Variants in OTOG observed in about 807,000 individuals in gnomAD.
The protein encoded by OTOG is otogelin.
Under a neutral mutation model 313.8 loss-of-function variants are expected in OTOG, and 296 were observed. The observed-to-expected ratio is 0.94, with a 90% confidence interval of 0.86 to 1.04. The LOEUF (loss-of-function observed/expected upper bound fraction) is 1.04. OTOG is among the 50% of genes least tolerant of loss of function. The pLI, the probability that OTOG is intolerant of heterozygous loss-of-function variation, is 0.00. For missense variants in OTOG, 3,948 were observed against 3,840.1 expected (o/e 1.03, Z -0.74); for synonymous variants, 1,533 against 1,554.9 (o/e 0.99, Z 0.33).
At position 17,609,903 on chromosome 11, in the gene OTOG, G is replaced by A. The variant is rs1379648118; in HGVS notation, c.4603G>A (p.Glu1535Lys). 15 of 1,520,482 alleles carry A rather than the reference G, an allele frequency of 9.9e-6. No homozygotes were observed. In the African/African-American group the frequency reaches 1.9e-4, roughly 20 times the overall value. The allele number at this position is 1,520,482 out of a possible 1,614,324, so 94.2% of individuals were successfully genotyped here. A position where few individuals can be genotyped will look rare whatever the true frequency, so the allele number is the denominator to read the frequency against. The change falls in exon 36 of 56, where the codon GAG becomes AAG. Residue 1535 changes from glutamate (E) to lysine (K), a missense_variant. By Grantham distance (56) the Glu-to-Lys change is moderately conservative. Coordinates refer to ENST00000399397, the MANE Select transcript of OTOG (RefSeq NM_001292063.2). ...CCAGACCACCCTGCAGCAGCCACTG[G>A]AGCTCACTGCATCTCAACTCCCCGC... Reference protein sequence around the residue: ...PTQTTLQQPLELTASQLPAGP... With the variant: ...PTQTTLQQPLKLTASQLPAGP...
intron 23 of OTOG, among the ~76,000 whole-genome samples, chr11:17,580,665 T>C (rs1231191993): frequency 6.6e-6 from 1 of 152,174 alleles, no homozygotes; most frequent in Non-Finnish European, 1.5e-5. Context: ...GGCTTGGGGC[T>C]GAAGAAGGAA....
intron 16 of OTOG, 78 bp from the exon 17 acceptor site, chr11:17,570,135 G>C: frequency 5.3e-6 from 7 of 1,328,670 alleles, no homozygotes; most frequent in Non-Finnish European, 6.2e-6. Flanking sequence ...GAGTCTGAGC[G>C]GGCCAGGCAG....
Position 17,547,260 on chromosome 11 carries a change from T to G in OTOG, c.-113T>G. The G allele has an allele frequency of 2.3e-6, 2 of 860,158 alleles. No individual in the cohort carries two copies. Among genetic ancestry groups the G allele is most frequent in the Non-Finnish European group, 3.1e-6 (2 of 645,000 alleles). The allele number at this position is 860,158 out of a possible 1,614,324, so 53.3% of individuals were successfully genotyped here. ...GAGGGGCTGAGGGAGCCCTGGGGCA[T>G]GAGAACAAGAGGGACCTCGGCTGCG... On this transcript the variant is annotated 5_prime_UTR_variant, in exon 1 of 56. The change abolishes an upstream ATG in the 5' untranslated region. Transcript: ENST00000399397.
In OTOG at chr11:17,548,980, A is replaced by G. The variant is rs149812275; in HGVS notation, c.216+768A>G. Among the ~76,000 whole-genome samples, 54 of 152,100 alleles carry G rather than the reference A, an allele frequency of 3.6e-4. 1 individual carries two copies. The East Asian group carries it at 9.5e-3, about 27-fold the overall frequency. ...GTGATCCTTCTGTGTCAGCCTCCCA[A>G]AGTGCTGGGATTAGGCATGAGCCAC... On this transcript the variant is annotated intron_variant, in intron 3 of 55. Coordinates refer to ENST00000399397, the MANE Select transcript of OTOG (RefSeq NM_001292063.2).
intron 6 of OTOG, among the ~76,000 whole-genome samples, chr11:17,554,635 C>T (rs1852014781): frequency 6.6e-6 from 1 of 152,226 alleles, no homozygotes; most frequent in Non-Finnish European, 1.5e-5. Flanking sequence ...TGTGATCCTT[C>T]TGTCTCAGTC....
In OTOG at chr11:17,551,952, G is replaced by A. The variant is rs190696135; in HGVS notation, c.217-48G>A. ...CACCAGGAAGCCTGCCTGGGAACCC[G>A]TCCTGAGGTCAGCCCTCGATGTGTT... is the stretch of plus-strand genomic sequence containing the variant. On this transcript the variant is annotated intron_variant, in intron 3 of 55. Coordinates refer to ENST00000399397, the MANE Select transcript of OTOG (RefSeq NM_001292063.2). 325 of 1,522,242 alleles carry A rather than the reference G, an allele frequency of 2.1e-4. 2 individuals carry two copies. The Admixed American group carries it at 4.8e-3, about 22-fold the overall frequency. The allele number at this position is 1,522,242 out of a possible 1,614,324, so 94.3% of individuals were successfully genotyped here.
chr11:17,611,816 G>T lies in OTOG; in HGVS notation c.6124-346G>T, dbSNP rs574524589. On this transcript the variant is annotated intron_variant, in intron 36 of 55. Transcript: ENST00000399397. Reference sequence around the variant, plus strand: ...CATCTTTGTGCCTTTGTGAGAAACTGTGTGTGTGTGTGTGTGTGTTTGTGT... The same window carrying T: ...CATCTTTGTGCCTTTGTGAGAAACTTTGTGTGTGTGTGTGTGTGTTTGTGT... Among the ~76,000 whole-genome samples the T allele has an allele frequency of 1.7e-4, 9 of 52,936 alleles. No individual in the cohort carries two copies. The South Asian group carries it at 4.2e-3, about 24-fold the overall frequency. The allele number at this position is 52,936 out of a possible 152,430, so 34.7% of individuals were successfully genotyped here.
At position 17,642,130 on chromosome 11, in the gene OTOG, G is replaced by A. The variant is rs575977910; in HGVS notation, c.8299G>A (p.Gly2767Arg). 7.1e-6 allele frequency: 11 copies of A among 1,541,788 alleles called. No homozygotes were observed. Among genetic ancestry groups the A allele is most frequent in the Middle Eastern group, 1.7e-4 (1 of 5,956 alleles). The change falls in exon 53 of 56, where the codon GGG (glycine) becomes AGG (arginine). Residue 2767 changes from glycine (G) to arginine (R), a missense_variant. By Grantham distance (125) the Gly-to-Arg change is moderately radical. Coordinates refer to ENST00000399397, the MANE Select transcript of OTOG (RefSeq NM_001292063.2). ...PNGTTSLFLP[G>R]ASWIADCARH... ...TACCTACTTCTGTGCCCTCCAGCCCGGGGCATCCTGGATCGCAGACTGCGC... is the reference window on the plus strand; with the variant it reads ...TACCTACTTCTGTGCCCTCCAGCCCAGGGCATCCTGGATCGCAGACTGCGC...
chr11:17,611,345 C>T lies in OTOG; in HGVS notation c.6045C>T (p.Ala2015=), dbSNP rs1018044043. ...CCACAGAACCATCTGGGCGCTCAGC[C>T]CCAGCCCTGAGCATCGTAGAGGGTT... The part of the protein sequence containing the change: ...EATTEPSGRS[A]PALSIVEGLA... The change falls in exon 36 of 56, where the codon GCC becomes GCT. Residue 2015 remains alanine (A), a synonymous_variant. Transcript: ENST00000399397. The T allele has an allele frequency of 5.8e-6, 9 of 1,550,142 alleles. No homozygotes were observed. The highest frequency in any genetic ancestry group is 1.4e-5 in the African/African-American group (1 of 73,046).
intron 31 of OTOG, among the ~76,000 whole-genome samples, chr11:17,600,244 T>C (rs1853216041): frequency 6.6e-6 from 1 of 150,752 alleles, no homozygotes; most frequent in Non-Finnish European, 1.5e-5. Flanking sequence ...GGGAGGTTAA[T>C]GTCCAGTTTA....
At chr11:17,558,907 T>A in intron 10 of OTOG, 145 bp from the exon 11 acceptor site, 1 of 749,072 alleles carries the variant, frequency 1.3e-6, no homozygotes, top group South Asian at 1.6e-5. Context: ...TAGGGATCTG[T>A]TCACCTAGAT....
rs965311772 is a variant in OTOG at position 17,632,096 on chromosome 11, G to A, written c.6942G>A (p.Pro2314=). ...CTGATGCATATGTCCAGGTGCCTCC[G>A]GAGTCATTCTGTGAGCTGTGGATCC... ...TFSACHRFVP[P]ESFCELWIRD... Residue 2314 remains proline (P), a synonymous_variant, in exon 42 of 56, where the codon CCG becomes CCA. Coordinates refer to ENST00000399397, the MANE Select transcript of OTOG (RefSeq NM_001292063.2). The A allele has an allele frequency of 1.5e-5, 24 of 1,550,932 alleles. No individual in the cohort carries two copies. The highest frequency in any genetic ancestry group is 1.7e-4 in the Middle Eastern group (1 of 5,972).
Position 17,641,078 on chromosome 11 carries a change from T to A in OTOG, c.8177T>A (p.Ile2726Asn). ...AACACCACCTCCGTGCTCTGTGACATCCACTGTGAGGCGGTAGGGTGCAGC... is the reference window on the plus strand; with the variant it reads ...AACACCACCTCCGTGCTCTGTGACAACCACTGTGAGGCGGTAGGGTGCAGC... ...QINTTSVLCD[I>N]HCEANQEYEH... The change falls in exon 51 of 56, where the codon ATC becomes AAC. Residue 2726 changes from isoleucine (I) to asparagine (N), a missense_variant. Transcript: ENST00000399397. The A allele has an allele frequency of 9.2e-7, 1 of 1,086,198 alleles. No homozygotes were observed. The highest frequency in any genetic ancestry group is 1.2e-6 in the Non-Finnish European group (1 of 824,316). The allele number at this position is 1,086,198 out of a possible 1,614,324, so 67.3% of individuals were successfully genotyped here. A position where few individuals can be genotyped will look rare whatever the true frequency, so the allele number is the denominator to read the frequency against.
At chr11:17,616,363 T>G (rs1264109013) in intron 39 of OTOG, among the ~76,000 whole-genome samples, 2 of 152,246 alleles carry the variant, frequency 1.3e-5, no homozygotes, top group Non-Finnish European at 2.9e-5. Context: ...GGCCTAGCTA[T>G]TCTAATTCCT....
rs1853482316 is a variant in OTOG at position 17,609,887 on chromosome 11, C to G, written c.4587C>G (p.Thr1529=). The change falls in exon 36 of 56, where the codon ACC becomes ACG. Residue 1529 remains threonine, a synonymous_variant. Coordinates refer to ENST00000399397, the MANE Select transcript of OTOG (RefSeq NM_001292063.2). ...TGTCTCCAGGCCCCACCCAGACCAC[C>G]CTGCAGCAGCCACTGGAGCTCACTG... is the stretch of plus-strand genomic sequence containing the variant. The part of the protein sequence containing the change: ...PVVSPGPTQT[T]LQQPLELTAS... 2 of 1,513,932 alleles carry G rather than the reference C, an allele frequency of 1.3e-6. No individual in the cohort carries two copies. The highest frequency in any genetic ancestry group is 2.8e-5 in the African/African-American group (2 of 72,428). The allele number at this position is 1,513,932 out of a possible 1,614,324, so 93.8% of individuals were successfully genotyped here. A position where few individuals can be genotyped will look rare whatever the true frequency, so the allele number is the denominator to read the frequency against.
Position 17,635,138 on chromosome 11 carries a change from C to G in OTOG, c.7644C>G (p.Ile2548Met), listed in dbSNP as rs1854232773. 1 of 1,549,100 alleles carries G rather than the reference C, an allele frequency of 6.5e-7. No individual in the cohort carries two copies. Among genetic ancestry groups the G allele is most frequent in the Admixed American group, 2.0e-5 (1 of 50,968 alleles). Residue 2548 changes from isoleucine (I) to methionine (M), a missense_variant, in exon 46 of 56, where the codon ATC becomes ATG. Transcript: ENST00000399397. ...ELVPSCRQDQ[I>M]LITGRLGDSC... Reference sequence around the variant, plus strand: ...TCCCCAGCTGCCGACAGGACCAGATCCTGATCACGGGCCGCCTGGGGGACT... The same window carrying G: ...TCCCCAGCTGCCGACAGGACCAGATGCTGATCACGGGCCGCCTGGGGGACT...
At chr11:17,568,830 G>A (rs188097635) in intron 15 of OTOG, among the ~76,000 whole-genome samples, 1 of 152,226 alleles carries the variant, frequency 6.6e-6, no homozygotes, top group African/African-American at 2.4e-5. Context: ...GTGATGAGGT[G>A]GGGGAGGCCA....
At position 17,634,139 on chromosome 11, in the gene OTOG, C is replaced by T; in HGVS notation, c.7338C>T (p.Cys2446=). ...GGAACAGCTCCCTCAGCGGCTGCTG[C>T]CAGCACCAGTGCCAAGCCCCAGACA... The part of the protein sequence containing the change: ...ETWNSSLSGC[C]QHQCQAPDTI... The change falls in exon 44 of 56, where the codon TGC becomes TGT. Residue 2446 remains cysteine, a synonymous_variant. Coordinates refer to ENST00000399397, the MANE Select transcript of OTOG (RefSeq NM_001292063.2). 6.5e-7 allele frequency: 1 copy of T among 1,549,674 alleles called. No individual in the cohort carries two copies. The highest frequency in any genetic ancestry group is 1.4e-5 in the African/African-American group (1 of 73,130).
At chr11:17,632,251 C>T in intron 42 of OTOG, 25 bp downstream of exon 42, 3 of 1,541,898 alleles carry the variant, frequency 1.9e-6, no homozygotes, top group Non-Finnish European at 2.6e-6. Context: ...CAGGGGGACC[C>T]TCCATTGTGA....
Sources: gnomAD v4.1 joint callset for allele counts (sites outside exome capture counted in the v4.1 genomes callset) on GRCh38, gnomAD v4.1.1 for gene constraint, MANE v1.5 for transcripts, NCBI Gene and HGNC (gene_info 2026-07-23, HGNC 2026-07-21) for gene names.